Variants in ZBTB14 observed in about 807,000 individuals in gnomAD.
The protein encoded by ZBTB14 is zinc finger and BTB domain containing 14, also known as zinc finger and BTB domain-containing protein 14.
ZBTB14 carries 8 observed loss-of-function variants against 29.5 expected under a neutral mutation model. The observed-to-expected ratio is 0.27, with a 90% CI of 0.16 to 0.49. The LOEUF (loss-of-function observed/expected upper bound fraction) is 0.49, where lower values mean the gene tolerates loss of function less well. ZBTB14 is among the 20% of genes least tolerant of loss of function. ZBTB14 has a pLI of 0.99. For missense variants in ZBTB14, 333 were observed against 563.8 expected (o/e 0.59, Z 4.15); for synonymous variants, 226 against 207.2 (o/e 1.09, Z -0.78).
chr18:5,294,255 G>A (rs1407834122), intron 1 of ZBTB14, among the ~76,000 whole-genome samples: 3 of 152,202 alleles, frequency 2.0e-5, no homozygotes, highest in Non-Finnish European at 4.4e-5. Flanking sequence ...AGATGATTCT[G>A]ACTTGATCAT....
Position 5,292,203 on chromosome 18 carries a change from T to C in ZBTB14, c.5A>G (p.Glu2Gly). The change falls in exon 4 of 4, where the codon GAG becomes GGG. Residue 2 changes from glutamate to glycine, a missense_variant and splice_region_variant. Glu to Gly is a moderately conservative substitution (Grantham distance 98). Around this residue, in one of 3 missense-constraint regions of ZBTB14, gnomAD observed 67 missense variants for 157.0 expected, o/e 0.43. Coordinates refer to ENST00000651870, the MANE Select transcript of ZBTB14 (RefSeq NM_001243702.2). Reference protein sequence around the residue: MEFFISMSETIK... With the variant: MGFFISMSETIK... ...GGTTTCAGACATACTGATGAAAAAC[T>C]CCTACAAAAAAAAAAAAAGTTTAGT... 1 of 1,486,174 alleles carries C rather than the reference T, an allele frequency of 6.7e-7. No homozygotes were observed. The highest frequency in any genetic ancestry group is 1.3e-5 in the South Asian group (1 of 75,590). 92.1% of individuals were successfully genotyped at this position (1,486,174 alleles called of 1,614,324 possible).
intron 1 of ZBTB14, among the ~76,000 whole-genome samples, 184 bp downstream of exon 1, chr18:5,295,468 C>T (rs1311978403): frequency 6.9e-6 from 1 of 145,246 alleles, no homozygotes; most frequent in Non-Finnish European, 1.5e-5. Flanking sequence ...TCCCCACCCC[C>T]ACCGCGGTGC....
intron 1 of ZBTB14, among the ~76,000 whole-genome samples, 173 bp downstream of exon 1, chr18:5,295,479 A>C (rs1450965289): frequency 2.8e-5 from 4 of 143,548 alleles, no homozygotes; most frequent in African/African-American, 1.0e-4. Flanking sequence ...ACCGCGGTGC[A>C]CTGCGGCGGT....
In ZBTB14 at chr18:5,291,795, C is replaced by T. The variant is rs899193748; in HGVS notation, c.413G>A (p.Gly138Asp). The change falls in exon 4 of 4, where the codon GGT becomes GAT. Residue 138 changes from glycine (G) to aspartate (D), a missense_variant. Physicochemically the swap from Gly to Asp is moderately conservative, Grantham distance 94. Transcript: ENST00000651870. The surrounding 1 kb of genome is among the most constrained non-coding windows in gnomAD (Gnocchi z 5.8). ...RDVSSPDENN[G>D]QSKSKYCLKI... The stretch of plus-strand genomic sequence containing the variant: ...AAGGCAATACTTACTTTTGGACTGA[C>T]CATTGTTTTCATCGGGACTGGACAC... 1.2e-6 allele frequency: 2 copies of T among 1,613,550 alleles called. No homozygotes were observed. The highest frequency in any genetic ancestry group is 1.7e-6 in the Non-Finnish European group (2 of 1,179,806).
upstream of ZBTB14, chr18:5,295,971 T>C (rs1306413114): frequency 1.3e-5 from 2 of 149,506 alleles, no homozygotes; most frequent in East Asian, 4.1e-4. Context: ...GTGGGGGAAA[T>C]CGTGCACGTC....
Position 5,290,766 on chromosome 18 carries a change from TCCAC to T in ZBTB14, c.*88_*91del, listed in dbSNP as rs749165727. 2.9e-4 allele frequency: 445 copies of T among 1,529,088 alleles called. No homozygotes were observed. The highest frequency in any genetic ancestry group is 7.1e-4 in the Middle Eastern group (4 of 5,646). 94.7% of individuals were successfully genotyped at this position (1,529,088 alleles called of 1,614,324 possible). ...CAGTGAGTACAATGTTCCATACGTTTCCACAAAAATATTGTAACTGGCATTCACT... is the reference window on the plus strand; with the variant it reads ...CAGTGAGTACAATGTTCCATACGTTTAAAAATATTGTAACTGGCATTCACT... On this transcript the variant is annotated 3_prime_UTR_variant, in exon 4 of 4. Transcript: ENST00000651870.
At chr18:5,293,553 AG>A (rs1197113952) in intron 2 of ZBTB14, 4 of 289,358 alleles carry the variant, frequency 1.4e-5, no homozygotes, top group Admixed American at 4.7e-5. Context: ...GCTGTGCCCT[AG>A]GAACTGGAAG....
chr18:5,290,596 TAA>T lies in ZBTB14; in HGVS notation c.*260_*261del, dbSNP rs34214240. On this transcript the variant is annotated 3_prime_UTR_variant, in exon 4 of 4. Coordinates refer to ENST00000651870, the MANE Select transcript of ZBTB14 (RefSeq NM_001243702.2). ...CACAGGAGTTCTCAAATTAAAATAATAAAAAAAAAAAAGGGAGAGAGGTGCTT... is the reference window on the plus strand; with the variant it reads ...CACAGGAGTTCTCAAATTAAAATAATAAAAAAAAAAGGGAGAGAGGTGCTT... 5.1e-4 allele frequency: 173 copies of T among 340,214 alleles called. No homozygotes were observed. The highest frequency in any genetic ancestry group is 9.0e-4 in the East Asian group (17 of 18,992). The allele number at this position is 340,214 out of a possible 1,614,324, so 21.1% of individuals were successfully genotyped here.
Position 5,289,838 on chromosome 18 carries a change from A to T in ZBTB14, c.*1020T>A, listed in dbSNP as rs2071772146. 1 of 152,480 alleles carries T rather than the reference A, an allele frequency of 6.6e-6. No individual in the cohort carries two copies. The highest frequency in any genetic ancestry group is 6.5e-5 in the Admixed American group (1 of 15,278). The allele number at this position is 152,480 out of a possible 1,614,324, so 9.4% of individuals were successfully genotyped here. A position where few individuals can be genotyped will look rare whatever the true frequency, so the allele number is the denominator to read the frequency against. ...ACACTTAAAAGATTTTAAATTTATT[A>T]ATTTAAGTAAGCATACTGCATCTCC... On this transcript the variant is annotated 3_prime_UTR_variant, in exon 4 of 4. Transcript: ENST00000651870.
rs2071765831 is a variant in ZBTB14, at chr18:5,289,545, G to C, written c.*1313C>G. ...GGCATTTCAATATATTCCTAAAGAT[G>C]GTTAAAAGAACATTTAGTATACCAA... On this transcript the variant is annotated 3_prime_UTR_variant, in exon 4 of 4. Transcript: ENST00000651870. 6.6e-6 allele frequency: 1 copy of C among 152,062 alleles called. No homozygotes were observed. Among genetic ancestry groups the C allele is most frequent in the African/African-American group, 2.4e-5 (1 of 41,400 alleles). The allele number at this position is 152,062 out of a possible 1,614,324, so 9.4% of individuals were successfully genotyped here.
chr18:5,290,910 G>A lies in ZBTB14; in HGVS notation c.1298C>T (p.Ala433Val), dbSNP rs2071797838. ...IQSETEQLQA[A>V]AMAAEAEQQL... ...CTGTTCTGCTTCCGCAGCCATCGCTGCCGCCTGCAACTGTTCTGTCTCGCT... is the reference window on the plus strand; with the variant it reads ...CTGTTCTGCTTCCGCAGCCATCGCTACCGCCTGCAACTGTTCTGTCTCGCT... The change falls in exon 4 of 4, where the codon GCA becomes GTA. Residue 433 changes from alanine to valine, a missense_variant. Ala to Val is a moderately conservative substitution (Grantham distance 64). This residue lies in a region of ZBTB14 where 140 missense variants were observed against 274.6 expected (regional missense o/e 0.51). Coordinates refer to ENST00000651870, the MANE Select transcript of ZBTB14 (RefSeq NM_001243702.2). 6.2e-7 allele frequency: 1 copy of A among 1,614,152 alleles called. No homozygotes were observed. Among genetic ancestry groups the A allele is most frequent in the Admixed American group, 1.7e-5 (1 of 60,006 alleles).
chr18:5,293,126 G>T, intron 3 of ZBTB14, 118 bp downstream of exon 3: 6 of 1,091,104 alleles, frequency 5.5e-6, no homozygotes, highest in Admixed American at 2.7e-5. Flanking sequence ...CTTTTATTCG[G>T]CTAATATTTT....
In ZBTB14 at chr18:5,290,762, C is replaced by T. The variant is rs1324803448; in HGVS notation, c.*96G>A. On this transcript the variant is annotated 3_prime_UTR_variant, in exon 4 of 4. Coordinates refer to ENST00000651870, the MANE Select transcript of ZBTB14 (RefSeq NM_001243702.2). ...AGTCCAGTGAGTACAATGTTCCATACGTTTCCACAAAAATATTGTAACTGG... is the reference window on the plus strand; with the variant it reads ...AGTCCAGTGAGTACAATGTTCCATATGTTTCCACAAAAATATTGTAACTGG... 10 of 1,522,638 alleles carry T rather than the reference C, an allele frequency of 6.6e-6. No homozygotes were observed. Among genetic ancestry groups the T allele is most frequent in the East Asian group, 2.3e-5 (1 of 44,296 alleles). 94.3% of individuals were successfully genotyped at this position (1,522,638 alleles called of 1,614,324 possible).
Position 5,291,431 on chromosome 18 carries a change from G to A in ZBTB14, c.777C>T (p.Ala259=), listed in dbSNP as rs377633263. 4.5e-5 allele frequency: 73 copies of A among 1,614,042 alleles called. No homozygotes were observed. The highest frequency in any genetic ancestry group is 1.3e-4 in the Admixed American group (8 of 60,008). Residue 259 remains alanine (A), a synonymous_variant, in exon 4 of 4, where the codon GCC becomes GCT. Transcript: ENST00000651870. The surrounding 1 kb of genome is among the most constrained non-coding windows in gnomAD (Gnocchi z 5.8). Reference sequence around the variant, plus strand: ...AATACTCAAACTTCATGTCACTGGCGGCTGTTGTCCAGCCTGGTGTCTGTT... The same window carrying A: ...AATACTCAAACTTCATGTCACTGGCAGCTGTTGTCCAGCCTGGTGTCTGTT... ...KDEQTPGWTT[A]ASDMKFEYLL... is the part of the protein sequence containing the mutation.
At chr18:5,294,351 C>G (rs1411337150) in intron 1 of ZBTB14, among the ~76,000 whole-genome samples, 1 of 152,246 alleles carries the variant, frequency 6.6e-6, no homozygotes, top group Non-Finnish European at 1.5e-5. Flanking sequence ...AAACCTTACA[C>G]TGTGACACTT....
rs2071801940 is a variant in ZBTB14 at position 5,291,041 on chromosome 18, A to G, written c.1167T>C (p.Phe389=). Residue 389 remains phenylalanine (F), a synonymous_variant, in exon 4 of 4, where the codon TTT becomes TTC. Transcript: ENST00000651870. This position sits in a 1 kb window ranked among gnomAD's most constrained non-coding sequence, Gnocchi z 5.8. ...HERRHRGEKP[F]VCGSCTKAFA... ...ATGCCTTGGTGCAGGAGCCACACAC[A>G]AAAGGCTTTTCCCCTCTGTGTCTTC... 1 of 1,614,156 alleles carries G rather than the reference A, an allele frequency of 6.2e-7. No homozygotes were observed. Among genetic ancestry groups the G allele is most frequent in the Non-Finnish European group, 8.5e-7 (1 of 1,180,058 alleles).
At position 5,293,305 on chromosome 18, in the gene ZBTB14, C is replaced by T; in HGVS notation, c.-59G>A. 6.2e-7 allele frequency: 1 copy of T among 1,601,338 alleles called. No individual in the cohort carries two copies. The highest frequency in any genetic ancestry group is 8.5e-7 in the Non-Finnish European group (1 of 1,171,284). On this transcript the variant is annotated 5_prime_UTR_variant, in exon 3 of 4. Coordinates refer to ENST00000651870, the MANE Select transcript of ZBTB14 (RefSeq NM_001243702.2). The stretch of plus-strand genomic sequence containing the variant: ...CGCCAAAATCTTCAGATCAGAGTAA[C>T]TCTGATCAGGAGCACGCCAGACCTA...
chr18:5,290,904 A>G lies in ZBTB14; in HGVS notation c.1304T>C (p.Met435Thr). The G allele has an allele frequency of 6.2e-7, 1 of 1,614,266 alleles. No individual in the cohort carries two copies. Among genetic ancestry groups the G allele is most frequent in the South Asian group, 1.1e-5 (1 of 91,084 alleles). ...SETEQLQAAA[M>T]AAEAEQQLET... ...CAGCTGCTGTTCTGCTTCCGCAGCC[A>G]TCGCTGCCGCCTGCAACTGTTCTGT... is the stretch of plus-strand genomic sequence containing the variant. The change falls in exon 4 of 4, where the codon ATG becomes ACG. Residue 435 changes from methionine to threonine, a missense_variant. By Grantham distance (81) the Met-to-Thr change is moderately conservative. This residue lies in a region of ZBTB14 where 140 missense variants were observed against 274.6 expected (regional missense o/e 0.51). Coordinates refer to ENST00000651870, the MANE Select transcript of ZBTB14 (RefSeq NM_001243702.2).
chr18:5,292,179 G>A lies in ZBTB14; in HGVS notation c.29C>T (p.Thr10Ile). The change falls in exon 4 of 4, where the codon ACC becomes ATC. Residue 10 changes from threonine (T) to isoleucine (I), a missense_variant. Transcript: ENST00000651870. ...ATGATCATCGTCATTATATTTAATG[G>A]TTTCAGACATACTGATGAAAAACTC... Reference protein sequence around the residue: MEFFISMSETIKYNDDDHKT... With the variant: MEFFISMSEIIKYNDDDHKT... The A allele has an allele frequency of 3.2e-6, 5 of 1,560,988 alleles. No individual in the cohort carries two copies. The highest frequency in any genetic ancestry group is 3.4e-6 in the Non-Finnish European group (4 of 1,168,704).
Sources: gnomAD v4.1 joint callset for allele counts (sites outside exome capture counted in the v4.1 genomes callset) on GRCh38, gnomAD v4.1.1 for gene constraint, gnomAD v4.1.1 regional missense constraint, Gnocchi (gnomAD v3.1) non-coding constraint, MANE v1.5 for transcripts, NCBI Gene and HGNC (gene_info 2026-07-23, HGNC 2026-07-21) for gene names.